The following HPSE2 variants were observed in gnomAD, a reference collection of about 807,000 sequenced individuals.
HPSE2 encodes the protein heparanase 2 (inactive), also known as inactive heparanase-2.
In HPSE2, 38 loss-of-function variants were observed where a neutral mutation model predicts 60.5. The ratio of observed to expected loss-of-function variants is 0.63; its 90% confidence interval spans 0.48 to 0.82. The LOEUF (loss-of-function observed/expected upper bound fraction) is 0.82. Among genes scored for constraint, HPSE2 ranks in the 40% least tolerant of loss-of-function variants. HPSE2 has a pLI of 0.00. For synonymous variants in HPSE2, 295 were observed against 293.2 expected, an observed-to-expected ratio of 1.01 and a Z score of -0.06; for missense variants, 713 against 740.4, an observed-to-expected ratio of 0.96 and a Z score of 0.43.
At chr10:98,492,882 T>C (rs1941706280) in intron 9 of HPSE2, among the ~76,000 whole-genome samples, 1 of 152,232 alleles carries the variant, frequency 6.6e-6, no homozygotes, top group African/African-American at 2.4e-5. Flanking sequence ...AGTGGTATTA[T>C]GTAAATTCAT....
chr10:98,570,043 G>C (rs566361171), intron 9 of HPSE2, among the ~76,000 whole-genome samples: 1 of 152,234 alleles, frequency 6.6e-6, no homozygotes, highest in South Asian at 2.1e-4. Flanking sequence ...TATCTCACTG[G>C]CATCTCTGGC....
chr10:99,268,933 A>T, the HPSE2 span, among the ~76,000 whole-genome samples: 14 of 152,052 alleles, frequency 9.2e-5, no homozygotes, highest in Non-Finnish European at 1.8e-4. Context: ...AGGCGGGTGG[A>T]TCACCTGAGG....
intron 11 of HPSE2, 84 bp downstream of exon 11, chr10:98,482,552 A>C: frequency 6.5e-7 from 1 of 1,545,404 alleles, no homozygotes; most frequent in East Asian, 2.2e-5. Flanking sequence ...TGAGAGAATT[A>C]GCAGCAACCT....
chr10:98,599,718 A>G (rs1382496110), intron 9 of HPSE2, among the ~76,000 whole-genome samples: 2 of 152,124 alleles, frequency 1.3e-5, no homozygotes, highest in Non-Finnish European at 2.9e-5. Context: ...TCCATATTGA[A>G]GAGGTTCAAT....
chr10:99,077,344 A>G (rs1842980552), intron 3 of HPSE2, among the ~76,000 whole-genome samples: 1 of 152,116 alleles, frequency 6.6e-6, no homozygotes, highest in South Asian at 2.1e-4. Flanking sequence ...CATTCATAAT[A>G]TGTCTCTTGG....
At position 98,933,137 on chromosome 10, in the gene HPSE2, G is replaced by T. The variant is rs1589385643; in HGVS notation, c.611-189081C>A. 1.4e-5 allele frequency among the ~76,000 whole-genome samples: 2 copies of T among 144,208 alleles called. 1 individual carries two copies. Among genetic ancestry groups the T allele is most frequent in the African/African-American group, 5.6e-5 (2 of 35,608 alleles). 94.6% of individuals were successfully genotyped at this position (144,208 alleles called of 152,430 possible). A position where few individuals can be genotyped will look rare whatever the true frequency, so the allele number is the denominator to read the frequency against. The stretch of plus-strand genomic sequence containing the variant: ...TTTCCCTCTTAACACTGCTTTAGCT[G>T]TGTACCAGAGATTCTGATATGTTGT... On this transcript the variant is annotated intron_variant, in intron 3 of 11. Coordinates refer to ENST00000370552, the MANE Select transcript of HPSE2 (RefSeq NM_021828.5).
At chr10:99,189,975 C>A (rs546204525) in intron 2 of HPSE2, among the ~76,000 whole-genome samples, 1 of 152,334 alleles carries the variant, frequency 6.6e-6, no homozygotes, top group East Asian at 1.9e-4. Flanking sequence ...CCTCTGCGAA[C>A]TAGCCTAGGT....
intron 3 of HPSE2, among the ~76,000 whole-genome samples, chr10:99,075,710 G>C (rs1010434044): frequency 4.6e-5 from 7 of 151,938 alleles, no homozygotes; most frequent in African/African-American, 1.7e-4. Context: ...GTGCTCTCAT[G>C]TTGGGTGCAT....
chr10:99,294,762 T>A, the HPSE2 span, among the ~76,000 whole-genome samples: 6 of 151,998 alleles, frequency 3.9e-5, no homozygotes, highest in East Asian at 1.2e-3. Context: ...AGTGCAACCC[T>A]GTCTCTACTA....
At chr10:98,650,680 T>G (rs188251240) in intron 6 of HPSE2, among the ~76,000 whole-genome samples, 69 of 152,302 alleles carry the variant, frequency 4.5e-4, no homozygotes, top group Admixed American at 5.9e-4. Context: ...AAAAACACAG[T>G]GACCAAGGTG....
At chr10:98,690,681 T>G (rs1482233675) in intron 6 of HPSE2, among the ~76,000 whole-genome samples, 1 of 152,142 alleles carries the variant, frequency 6.6e-6, no homozygotes, top group Non-Finnish European at 1.5e-5. Context: ...GCCAGTGGTT[T>G]TTTTTTTAAT....
At chr10:98,520,956 A>G (rs1004697645) in intron 9 of HPSE2, among the ~76,000 whole-genome samples, 4 of 152,304 alleles carry the variant, frequency 2.6e-5, no homozygotes, top group East Asian at 1.9e-4. Flanking sequence ...GCTGAAACTG[A>G]ATCCCTTCCT....
upstream of HPSE2, among the ~76,000 whole-genome samples, chr10:99,238,250 G>A (rs562949391): frequency 1.7e-4 from 26 of 152,226 alleles, no homozygotes; most frequent in African/African-American, 4.8e-4. Flanking sequence ...ATTTGAATAC[G>A]TATATCCACT....
chr10:98,508,696 T>C (rs139415271), intron 9 of HPSE2, among the ~76,000 whole-genome samples: 1 of 152,212 alleles, frequency 6.6e-6, no homozygotes, highest in African/African-American at 2.4e-5. Context: ...AAGGAACATT[T>C]AAGATTTGAG....
At chr10:98,925,151 C>G (rs367817471) in intron 3 of HPSE2, among the ~76,000 whole-genome samples, 7 of 152,268 alleles carry the variant, frequency 4.6e-5, no homozygotes, top group African/African-American at 1.4e-4. Context: ...TCCTCAATGC[C>G]TCTGTCGTTA....
intron 3 of HPSE2, among the ~76,000 whole-genome samples, chr10:98,903,750 C>T (rs992895423): frequency 2.8e-4 from 42 of 151,976 alleles, no homozygotes; most frequent in African/African-American, 1.0e-3. Flanking sequence ...TGTTAAACGC[C>T]TAAAGTACAA....
At chr10:98,696,604 A>G (rs959472937) in intron 5 of HPSE2, among the ~76,000 whole-genome samples, 74 of 9,746 alleles carry the variant, frequency 7.6e-3, no homozygotes, top group African/African-American at 8.4e-3. Flanking sequence ...GAGGGTCCCA[A>G]CCATGGAATG....
At chr10:98,676,302 C>T (rs974999954) in intron 6 of HPSE2, among the ~76,000 whole-genome samples, 2 of 152,104 alleles carry the variant, frequency 1.3e-5, no homozygotes, top group African/African-American at 4.8e-5. Context: ...GACTGTTGTT[C>T]AGAGTTTTAA....
intron 3 of HPSE2, among the ~76,000 whole-genome samples, chr10:98,781,840 A>G (rs1950478067): frequency 6.6e-6 from 1 of 151,452 alleles, no homozygotes; most frequent in Non-Finnish European, 1.5e-5. Context: ...CACTTCTAGA[A>G]ATTTATCCAA....
Sources: gnomAD v4.1 joint callset for allele counts (sites outside exome capture counted in the v4.1 genomes callset) on GRCh38, gnomAD v4.1.1 for gene constraint, MANE v1.5 for transcripts, NCBI Gene and HGNC (gene_info 2026-07-23, HGNC 2026-07-21) for gene names.